LMLN: variants seen among roughly 807,000 people sequenced by gnomAD.
LMLN encodes leishmanolysin like peptidase.
In LMLN, 70 loss-of-function variants were observed where a neutral mutation model predicts 92.3. The ratio of observed to expected loss-of-function variants is 0.76; its 90% confidence interval spans 0.63 to 0.92. The LOEUF is 0.92. Among genes scored for constraint, LMLN ranks in the 40% least tolerant of loss-of-function variants. The pLI is 0.00. For missense variants in LMLN, 691 were observed against 814.6 expected, an observed-to-expected ratio of 0.85 and a Z score of 1.85; for synonymous variants, 308 against 296.2, an observed-to-expected ratio of 1.04 and a Z score of -0.41.
At chr3:197,995,472 T>TA (rs536481573) in intron 9 of LMLN, among the ~76,000 whole-genome samples, 17 of 152,092 alleles carry the variant, frequency 1.1e-4, no homozygotes, top group Non-Finnish European at 2.2e-4. Context: ...GAACTGATGC[T>TA]AAAAAAGGAA....
chr3:198,029,983 T>G lies in LMLN; in HGVS notation c.1656+5195T>G, dbSNP rs188358145. 1.2e-3 allele frequency among the ~76,000 whole-genome samples: 177 copies of G among 151,884 alleles called. 1 individual carries two copies. Among genetic ancestry groups the G allele is most frequent in the Non-Finnish European group, 2.0e-3 (139 of 67,902 alleles). On this transcript the variant is annotated intron_variant, in intron 14 of 15. Coordinates refer to ENST00000330198, the Ensembl canonical transcript of LMLN. ...TCAGCCTCCCAAGTAGCTGGGATTA[T>G]AGGCGCCCGCCACCATGCCTAGCTG... is the stretch of plus-strand genomic sequence containing the variant.
chr3:198,008,633 A>AGG (rs1436923122), intron 11 of LMLN, among the ~76,000 whole-genome samples: 2 of 152,230 alleles, frequency 1.3e-5, no homozygotes, highest in Admixed American at 6.5e-5. Flanking sequence ...AGGCTGAAGC[A>AGG]GGAGGATCAC....
intron 11 of LMLN, among the ~76,000 whole-genome samples, chr3:198,008,094 G>A (rs556529526): frequency 1.4e-4 from 21 of 151,994 alleles, no homozygotes; most frequent in Non-Finnish European, 2.5e-4. Context: ...CTTGGTGATG[G>A]CTTATAATTA....
chr3:197,975,097 G>T (rs1228673715), intron 3 of LMLN, 25 bp downstream of exon 3: 1 of 1,298,106 alleles, frequency 7.7e-7, no homozygotes, highest in South Asian at 1.3e-5. Flanking sequence ...CTCATAACTT[G>T]AATTGGACAC....
intron 11 of LMLN, among the ~76,000 whole-genome samples, chr3:198,017,456 G>T (rs970575273): frequency 2.0e-5 from 3 of 152,176 alleles, no homozygotes; most frequent in Admixed American, 2.0e-4. Context: ...CCTACTTAAA[G>T]TAAGGTTCTT....
At chr3:198,032,845 G>T (rs1222051912) in intron 14 of LMLN, among the ~76,000 whole-genome samples, 1 of 152,216 alleles carries the variant, frequency 6.6e-6, no homozygotes, top group Non-Finnish European at 1.5e-5. Context: ...GCTGGGTTCG[G>T]AACGAACTGG....
intron 9 of LMLN, among the ~76,000 whole-genome samples, chr3:197,992,939 A>G (rs1359169025): frequency 6.6e-6 from 1 of 152,230 alleles, no homozygotes; most frequent in African/African-American, 2.4e-5. Context: ...ATCCATCATG[A>G]TCAAGTGAGA....
intron 11 of LMLN, among the ~76,000 whole-genome samples, chr3:198,006,196 T>C (rs999864515): frequency 6.6e-6 from 1 of 152,190 alleles, no homozygotes; most frequent in African/African-American, 2.4e-5. Context: ...AGCGTGGCTT[T>C]TTTTACTCAG....
At chr3:197,984,904 C>T (rs867220398) in intron 7 of LMLN, among the ~76,000 whole-genome samples, 29 of 151,710 alleles carry the variant, frequency 1.9e-4, no homozygotes, top group Admixed American at 4.6e-4. Flanking sequence ...CTTGAACTCC[C>T]GGGCTCAAGT....
At chr3:197,967,850 A>T (rs1721102812) in intron 1 of LMLN, among the ~76,000 whole-genome samples, 3 of 152,182 alleles carry the variant, frequency 2.0e-5, no homozygotes, top group African/African-American at 7.2e-5. Flanking sequence ...AGGGTCTTAA[A>T]TATTCATTGC....
exon 16 of LMLN, chr3:198,040,976 G>A (rs1432090672): frequency 6.6e-6 from 1 of 152,118 alleles, no homozygotes; most frequent in Non-Finnish European, 1.5e-5. Context: ...CACAACCCTC[G>A]GACAGACTCC....
At chr3:198,014,624 C>A (rs1427732415) in intron 11 of LMLN, among the ~76,000 whole-genome samples, 1 of 121,292 alleles carries the variant, frequency 8.2e-6, no homozygotes, top group Non-Finnish European at 1.7e-5. Context: ...TTCAGAGCCC[C>A]CTAACTAGTC....
At chr3:197,990,993 C>G (rs1406313050) in intron 9 of LMLN, among the ~76,000 whole-genome samples, 2 of 151,938 alleles carry the variant, frequency 1.3e-5, no homozygotes, top group Non-Finnish European at 2.9e-5. Context: ...TCAAGGTTCT[C>G]CAGAGAAACA....
At chr3:198,037,353 G>A (rs912229475) in intron 15 of LMLN, among the ~76,000 whole-genome samples, 3 of 152,190 alleles carry the variant, frequency 2.0e-5, no homozygotes, top group African/African-American at 7.2e-5. Flanking sequence ...TGAGGCAGCT[G>A]AGTTTTCTGC....
intron 14 of LMLN, among the ~76,000 whole-genome samples, chr3:198,028,222 C>T (rs548926874): frequency 2.6e-5 from 4 of 152,080 alleles, no homozygotes; most frequent in East Asian, 1.9e-4. Context: ...CATCATCATC[C>T]GAAGTCCATG....
At chr3:197,960,622 C>T (rs79684034) in intron 1 of LMLN, among the ~76,000 whole-genome samples, 182 bp downstream of exon 1, 8,559 of 152,186 alleles carry the variant, frequency 0.056, 288 homozygotes, top group South Asian at 0.086. Flanking sequence ...GGCTGTTAGG[C>T]GCTCAGAACA....
At chr3:197,985,911 C>T (rs770694565) in intron 8 of LMLN, 21 bp downstream of exon 8, 2 of 1,429,824 alleles carry the variant, frequency 1.4e-6, no homozygotes, top group Middle Eastern at 1.7e-4. Flanking sequence ...TGTTGTTGCT[C>T]TTGTTCTCCT....
intron 4 of LMLN, 188 bp from the exon 5 acceptor site, chr3:197,976,410 G>A (rs531459990): frequency 1.9e-6 from 1 of 523,060 alleles, no homozygotes; most frequent in South Asian, 3.2e-5. Context: ...GAAGTATTTG[G>A]GTGTTTAAAA....
At chr3:198,015,892 A>G (rs554595898) in intron 11 of LMLN, among the ~76,000 whole-genome samples, 1 of 152,278 alleles carries the variant, frequency 6.6e-6, no homozygotes, top group South Asian at 2.1e-4. Context: ...TTCTATTGTT[A>G]TATTTAAAAA....
Sources: gnomAD v4.1 joint callset for allele counts (sites outside exome capture counted in the v4.1 genomes callset) on GRCh38, gnomAD v4.1.1 for gene constraint, MANE v1.5 for transcripts, NCBI Gene and HGNC (gene_info 2026-07-23, HGNC 2026-07-21) for gene names.